PRELID2: variants seen among roughly 807,000 people sequenced by gnomAD.
PRELID2 encodes the protein PRELI domain-containing protein 2.
PRELID2 carries 25 observed loss-of-function variants against 28.4 expected under a neutral mutation model. That is an observed-to-expected ratio of 0.88 (90% CI 0.64 to 1.23). PRELID2 has a LOEUF of 1.23. Among genes scored for constraint, PRELID2 ranks in the 50% most tolerant of loss-of-function variants. The pLI, the probability that PRELID2 is intolerant of heterozygous loss-of-function variation, is 0.00. For missense variants in PRELID2, 201 were observed against 214.4 expected (o/e 0.94, Z 0.39); for synonymous variants, 76 against 71.6 (o/e 1.06, Z -0.31).
At chr5:145,315,445 T>A in the PRELID2 span, among the ~76,000 whole-genome samples, 1 of 152,186 alleles carries the variant, frequency 6.6e-6, no homozygotes, top group African/African-American at 2.4e-5. Context: ...TTCCCTTTCA[T>A]ATAGAATGAA....
chr5:145,628,607 A>C (rs939558631), intron 1 of PRELID2, among the ~76,000 whole-genome samples: 8 of 152,204 alleles, frequency 5.3e-5, no homozygotes, highest in African/African-American at 1.9e-4. Flanking sequence ...TATAGGCATG[A>C]GCCACCGCAC....
chr5:145,256,708 C>G, the PRELID2 span, among the ~76,000 whole-genome samples: 2 of 151,874 alleles, frequency 1.3e-5, no homozygotes, highest in Admixed American at 6.6e-5. Flanking sequence ...CACTGAACTA[C>G]TAAGATTTTT....
At chr5:145,737,908 C>T (rs1268416895) in intron 1 of PRELID2, among the ~76,000 whole-genome samples, 1 of 152,200 alleles carries the variant, frequency 6.6e-6, no homozygotes, top group African/African-American at 2.4e-5. Flanking sequence ...ACTTACACCC[C>T]ACCTGGCAGA....
At chr5:145,740,884 A>ATATATATTTAT (rs1491150625) in intron 1 of PRELID2, among the ~76,000 whole-genome samples, 1 of 100,268 alleles carries the variant, frequency 1.0e-5, no homozygotes, top group Non-Finnish European at 1.8e-5. Context: ...ATATATATGT[A>ATATATATTTAT]CATATATTTA....
At chr5:145,825,258 A>AAAC (rs1292262413) in intron 1 of PRELID2, among the ~76,000 whole-genome samples, 1 of 141,910 alleles carries the variant, frequency 7.0e-6, no homozygotes, top group Non-Finnish European at 1.5e-5. Flanking sequence ...AAAAAAAAAA[A>AAAC]AACTTGGAAC....
intron 1 of PRELID2, among the ~76,000 whole-genome samples, chr5:145,497,114 T>C (rs1752316225): frequency 6.6e-6 from 1 of 152,140 alleles, no homozygotes; most frequent in Non-Finnish European, 1.5e-5. Flanking sequence ...TCCTCCCACC[T>C]CAACCTCCCA....
chr5:145,384,963 T>C, the PRELID2 span, among the ~76,000 whole-genome samples: 1 of 152,046 alleles, frequency 6.6e-6, no homozygotes, highest in Non-Finnish European at 1.5e-5. Flanking sequence ...AGATTTTGGG[T>C]GGGGACAAAT....
At chr5:145,739,191 A>T (rs1362248479) in intron 1 of PRELID2, among the ~76,000 whole-genome samples, 1 of 152,190 alleles carries the variant, frequency 6.6e-6, no homozygotes, top group East Asian at 1.9e-4. Flanking sequence ...TTCTCTAAAC[A>T]TAAAAACAAT....
chr5:145,335,990 T>C, the PRELID2 span, among the ~76,000 whole-genome samples: 1 of 152,246 alleles, frequency 6.6e-6, no homozygotes, highest in East Asian at 1.9e-4. Context: ...TGGTATCTCA[T>C]TGTGGTTTTG....
chr5:145,763,860 G>A (rs1278354423), intron 6 of PRELID2, among the ~76,000 whole-genome samples: 2 of 152,252 alleles, frequency 1.3e-5, no homozygotes, highest in South Asian at 2.1e-4. Context: ...GGTGGATCAC[G>A]AAGTCAGGAG....
chr5:145,230,124 T>C, the PRELID2 span: 2 of 548,494 alleles, frequency 3.6e-6, no homozygotes, highest in South Asian at 3.3e-5. Context: ...CTAATTGTTG[T>C]GATAATTTGT....
intron 4 of PRELID2, among the ~76,000 whole-genome samples, chr5:145,798,395 T>C (rs1448759379): frequency 6.6e-6 from 1 of 152,074 alleles, no homozygotes; most frequent in African/African-American, 2.4e-5. Context: ...TCAATGAACT[T>C]CAACTAGGAT....
At chr5:145,642,233 T>C (rs963981276) in intron 1 of PRELID2, among the ~76,000 whole-genome samples, 2 of 152,236 alleles carry the variant, frequency 1.3e-5, no homozygotes, top group Admixed American at 1.3e-4. Context: ...GGTATCTCAT[T>C]GTGGTTTTGA....
chr5:145,324,144 T>C, the PRELID2 span, among the ~76,000 whole-genome samples: 1 of 152,272 alleles, frequency 6.6e-6, no homozygotes, highest in African/African-American at 2.4e-5. Context: ...TCAGACCTAG[T>C]AAAATAAGCA....
chr5:145,321,442 C>T, the PRELID2 span, among the ~76,000 whole-genome samples: 1 of 152,170 alleles, frequency 6.6e-6, no homozygotes, highest in African/African-American at 2.4e-5. Flanking sequence ...GCACATGTAT[C>T]CCAATAAACT....
intron 1 of PRELID2, among the ~76,000 whole-genome samples, chr5:145,525,571 T>G (rs1377381569): frequency 1.3e-5 from 2 of 152,164 alleles, no homozygotes; most frequent in African/African-American, 4.8e-5. Context: ...TCTCCAAATA[T>G]GATCAGCAGT....
the PRELID2 span, among the ~76,000 whole-genome samples, chr5:145,433,408 C>G: frequency 1.3e-5 from 2 of 152,154 alleles, no homozygotes; most frequent in South Asian, 2.1e-4. Context: ...TTGTATTTCT[C>G]AGGGCCAGGT....
At chr5:145,346,727 C>T in the PRELID2 span, among the ~76,000 whole-genome samples, 1 of 152,082 alleles carries the variant, frequency 6.6e-6, no homozygotes, top group Non-Finnish European at 1.5e-5. Flanking sequence ...CAGTTCTGGA[C>T]AGGTGATATG....
chr5:145,375,017 T>A, the PRELID2 span, among the ~76,000 whole-genome samples: 1 of 152,162 alleles, frequency 6.6e-6, no homozygotes, highest in Non-Finnish European at 1.5e-5. Context: ...TCCAGTTCTG[T>A]GCCCTTGCTG....
Sources: allele counts gnomAD v4.1 joint callset (sites outside exome capture counted in the v4.1 genomes callset), GRCh38; gene constraint gnomAD v4.1.1; transcripts MANE v1.5; gene names NCBI Gene and HGNC (gene_info 2026-07-23, HGNC 2026-07-21).